Variants in FYB1 observed in about 807,000 individuals in gnomAD.
FYB1 encodes FYN-binding protein 1.
A neutral mutation model predicts 94.1 loss-of-function variants in FYB1; 41 were observed. The ratio of observed to expected loss-of-function variants is 0.44; its 90% CI spans 0.34 to 0.57. FYB1 has a LOEUF of 0.57. FYB1 is among the 20% of genes least tolerant of loss of function. The probability of loss-of-function intolerance (pLI) is 0.02; values close to 1 mark genes in which losing one functional copy is unlikely to be tolerated. For missense variants in FYB1, 1,050 were observed against 976.8 expected, an observed-to-expected ratio of 1.07 and a Z score of -1.00; for synonymous variants, 367 against 353.2, an observed-to-expected ratio of 1.04 and a Z score of -0.44.
At chr5:39,178,342 T>C (rs1368223844) in intron 2 of FYB1, among the ~76,000 whole-genome samples, 1 of 152,160 alleles carries the variant, frequency 6.6e-6, no homozygotes, top group Non-Finnish European at 1.5e-5. Flanking sequence ...TGAGTCATGA[T>C]GAGATTACAG....
chr5:39,244,453 C>T (rs532163343), intron 1 of FYB1, among the ~76,000 whole-genome samples: 114 of 152,150 alleles, frequency 7.5e-4, no homozygotes, highest in Middle Eastern at 3.4e-3. Flanking sequence ...TATTGATTTT[C>T]GTATGTTGAA....
chr5:39,149,074 A>T (rs1318417337), intron 3 of FYB1, among the ~76,000 whole-genome samples: 2 of 152,236 alleles, frequency 1.3e-5, no homozygotes, highest in Non-Finnish European at 2.9e-5. Context: ...AATAGCAGAA[A>T]ATGTAACAAA....
intron 1 of FYB1, among the ~76,000 whole-genome samples, chr5:39,244,395 A>T (rs1400101733): frequency 2.1e-5 from 3 of 139,960 alleles, no homozygotes; most frequent in African/African-American, 9.8e-5. Context: ...GTCTATTGAG[A>T]TAATCATGTT....
At chr5:39,117,669 A>G (rs1739697729) in intron 16 of FYB1, among the ~76,000 whole-genome samples, 1 of 152,096 alleles carries the variant, frequency 6.6e-6, no homozygotes, top group South Asian at 2.1e-4. Context: ...TTGAAACTCC[A>G]TTTCAATTCC....
At chr5:39,200,810 C>A (rs894591962) in intron 2 of FYB1, among the ~76,000 whole-genome samples, 2 of 152,196 alleles carry the variant, frequency 1.3e-5, no homozygotes, top group East Asian at 1.9e-4. Context: ...GACCATACTT[C>A]GGTAAGGAGA....
chr5:39,116,120 C>T (rs553057191), intron 16 of FYB1, among the ~76,000 whole-genome samples: 1 of 152,278 alleles, frequency 6.6e-6, no homozygotes, highest in South Asian at 2.1e-4. Context: ...TCCAATAATC[C>T]AAGTGGTAAC....
At position 39,202,163 on chromosome 5, in the gene FYB1, A is replaced by C. The variant is rs532562126; in HGVS notation, c.798T>G (p.Pro266=). The C allele has an allele frequency of 3.1e-6, 5 of 1,613,982 alleles. No homozygotes were observed. In the East Asian group the frequency reaches 6.7e-5, roughly 22 times the overall value. Residue 266 remains proline (P), a synonymous_variant, in exon 2 of 19, where the codon CCT becomes CCG. Transcript: ENST00000512982. ...SLPFPGVVLK[P]AASRGGPGLS... is the part of the protein sequence containing the mutation. ...GACCTGGGCCTCCCCTGCTCGCAGC[A>C]GGTTTCAAAACCACTCCAGGAAAGG...
chr5:39,107,457 A>G lies in FYB1; in HGVS notation c.2476T>C (p.Tyr826His). ...IYDDIADGCI[Y>H]DND The stretch of plus-strand genomic sequence containing the variant: ...AAAGTTGAGTGCTAGTCATTGTCAT[A>G]GATGCAGCCTGAAAGGAAAAAATAC... Residue 826 changes from tyrosine to histidine, a missense_variant, in exon 19 of 19, where the codon TAT (tyrosine) becomes CAT (histidine). By Grantham distance (83) the Tyr-to-His change is moderately conservative. Transcript: ENST00000512982. 6.6e-7 allele frequency: 1 copy of G among 1,524,918 alleles called. No individual in the cohort carries two copies. Among genetic ancestry groups the G allele is most frequent in the Non-Finnish European group, 8.8e-7 (1 of 1,131,388 alleles). The allele number at this position is 1,524,918 out of a possible 1,614,324, so 94.5% of individuals were successfully genotyped here. A position where few individuals can be genotyped will look rare whatever the true frequency, so the allele number is the denominator to read the frequency against.
rs1750918312 is a variant in FYB1 at position 39,235,466 on chromosome 5, T to C, written c.-27-32479A>G. ...ACAGGGGCAGAGGGAGTGTCTACAA[T>C]TTGCTACAGATTTACATTTAGCATC... On this transcript the variant is annotated intron_variant, in intron 1 of 1. Coordinates refer to the FYB1 transcript ENST00000510188. Among the ~76,000 whole-genome samples, 3 of 152,134 alleles carry C rather than the reference T, an allele frequency of 2.0e-5. 1 individual carries two copies. Among genetic ancestry groups the C allele is most frequent in the African/African-American group, 7.2e-5 (3 of 41,532 alleles).
At chr5:39,108,001 A>G (rs994434070) in intron 18 of FYB1, among the ~76,000 whole-genome samples, 3 of 152,058 alleles carry the variant, frequency 2.0e-5, no homozygotes. Flanking sequence ...AAATATTTTT[A>G]TACTTCTGTT....
At chr5:39,159,909 A>G (rs1184548101) in intron 2 of FYB1, among the ~76,000 whole-genome samples, 2 of 152,168 alleles carry the variant, frequency 1.3e-5, no homozygotes, top group Non-Finnish European at 2.9e-5. Context: ...ACATGGTCTG[A>G]TATCTTCAAC....
chr5:39,118,005 T>A (rs1173085878), intron 16 of FYB1, among the ~76,000 whole-genome samples: 1 of 152,088 alleles, frequency 6.6e-6, no homozygotes, highest in Non-Finnish European at 1.5e-5. Flanking sequence ...TCAAGTGATA[T>A]TTTTCTGCCT....
chr5:39,131,982 G>T (rs1741241517), intron 9 of FYB1, among the ~76,000 whole-genome samples: 1 of 152,210 alleles, frequency 6.6e-6, no homozygotes, highest in Admixed American at 6.5e-5. Flanking sequence ...GAGAGGGAGA[G>T]AGAGAGATAC....
chr5:39,229,737 G>A lies in FYB1; in HGVS notation c.-27-26750C>T, dbSNP rs143284537. On this transcript the variant is annotated intron_variant, in intron 1 of 1. Coordinates refer to the FYB1 transcript ENST00000510188. ...CCCATTTTATAGATAAGGGCAATCA[G>A]GTTTAGAGAGGTAAAGTGAGTTGCC... Among the ~76,000 whole-genome samples the A allele has an allele frequency of 2.5e-3, 381 of 152,232 alleles. 3 individuals are homozygous for A. Among genetic ancestry groups the A allele is most frequent in the African/African-American group, 8.6e-3 (358 of 41,538 alleles).
At chr5:39,176,931 A>C (rs1187553236) in intron 2 of FYB1, among the ~76,000 whole-genome samples, 1 of 152,160 alleles carries the variant, frequency 6.6e-6, no homozygotes, top group Non-Finnish European at 1.5e-5. Flanking sequence ...AACAGAAAGG[A>C]AAGAGGCCAG....
intron 1 of FYB1, among the ~76,000 whole-genome samples, chr5:39,224,580 G>T (rs1490437590): frequency 6.6e-6 from 1 of 152,160 alleles, no homozygotes; most frequent in African/African-American, 2.4e-5. Context: ...AGAGCTCATT[G>T]TCTGTTGTCA....
At chr5:39,180,170 C>T (rs1269205381) in intron 2 of FYB1, among the ~76,000 whole-genome samples, 1 of 152,212 alleles carries the variant, frequency 6.6e-6, no homozygotes, top group Non-Finnish European at 1.5e-5. Flanking sequence ...CTATCCACCA[C>T]TGCACCATTC....
rs745632471 is a variant in FYB1 at position 39,122,359 on chromosome 5, G to T, written c.2115C>A (p.Phe705Leu). 3 of 1,578,266 alleles carry T rather than the reference G, an allele frequency of 1.9e-6. No individual in the cohort carries two copies. The highest frequency in any genetic ancestry group is 2.6e-6 in the Non-Finnish European group (3 of 1,158,724). Residue 705 changes from phenylalanine (F) to leucine (L), a missense_variant, in exon 14 of 19, where the codon TTC (phenylalanine) becomes TTA (leucine). Transcript: ENST00000512982. ...ACCTCATCTCTGCTGATGAAACAGG[G>T]AAATCAGAGGTATCCACATCATCGT... ...EVYDDVDTSD[F>L]PVSSAEMSQG...
intron 1 of FYB1, among the ~76,000 whole-genome samples, chr5:39,215,790 C>T (rs1749817650): frequency 6.6e-6 from 1 of 152,122 alleles, no homozygotes; most frequent in Admixed American, 6.5e-5. Flanking sequence ...ATAAATTATG[C>T]CCATGTATAT....
Sources: gnomAD v4.1 joint callset for allele counts (sites outside exome capture counted in the v4.1 genomes callset) on GRCh38, gnomAD v4.1.1 for gene constraint, MANE v1.5 for transcripts, NCBI Gene and HGNC (gene_info 2026-07-23, HGNC 2026-07-21) for gene names.